The following PPP2R2C variants were observed in gnomAD, a reference collection of about 807,000 sequenced individuals.
PPP2R2C encodes the protein protein phosphatase 2, regulatory subunit B, gamma.
PPP2R2C carries 10 observed loss-of-function variants against 45.3 expected under a neutral mutation model. The ratio of observed to expected loss-of-function variants is 0.22; its 90% CI spans 0.14 to 0.37. PPP2R2C has a LOEUF of 0.37. Ranked by LOEUF, PPP2R2C falls within the 10% of genes least tolerant of loss-of-function variation. The pLI, the probability that PPP2R2C is intolerant of heterozygous loss-of-function variation, is 1.00. For synonymous variants in PPP2R2C, 257 were observed against 245.4 expected (o/e 1.05, Z -0.44); for missense variants, 308 against 619.7 (o/e 0.50, Z 5.34).
chr4:6,445,202 T>TAA (rs1156843590), intron 1 of PPP2R2C, among the ~76,000 whole-genome samples: 12 of 145,268 alleles, frequency 8.3e-5, no homozygotes, highest in African/African-American at 2.8e-4. Flanking sequence ...AAAAGCAAAA[T>TAA]AAAAACAAAA....
At chr4:6,485,880 A>G (rs1447172766) in intron 2 of PPP2R2C, among the ~76,000 whole-genome samples, 2 of 151,862 alleles carry the variant, frequency 1.3e-5, no homozygotes, top group African/African-American at 2.4e-5. Flanking sequence ...TTTATTTTAT[A>G]TTTAGCCAAT....
intron 1 of PPP2R2C, among the ~76,000 whole-genome samples, chr4:6,470,024 G>A (rs1721784363): frequency 6.6e-6 from 1 of 152,162 alleles, no homozygotes; most frequent in Admixed American, 6.5e-5. Context: ...CACACAGCAG[G>A]TGCTCAGCAT....
Position 6,331,133 on chromosome 4 carries a change from G to A in PPP2R2C, c.961-1780C>T, listed in dbSNP as rs986320976. Among the ~76,000 whole-genome samples, 19 of 152,186 alleles carry A rather than the reference G, an allele frequency of 1.2e-4. No homozygotes were observed. Among genetic ancestry groups the A allele is most frequent in the Non-Finnish European group, 2.8e-4 (19 of 68,030 alleles). ...CCCACCCCCGGCTCTGCATTTTTGT[G>A]TGTCCTCCTTACTCAGCTCCCAGCA... On this transcript the variant is annotated intron_variant, in intron 7 of 8. Transcript: ENST00000382599. This position sits in a 1 kb window ranked among gnomAD's most constrained non-coding sequence, Gnocchi z 5.9.
In PPP2R2C at chr4:6,364,005, G is replaced by A. The variant is rs1361422312; in HGVS notation, c.625+8518C>T. Among the ~76,000 whole-genome samples the A allele has an allele frequency of 6.6e-6, 1 of 152,136 alleles. No individual in the cohort carries two copies. The highest frequency in any genetic ancestry group is 1.5e-5 in the Non-Finnish European group (1 of 68,028). On this transcript the variant is annotated intron_variant, in intron 5 of 8. Coordinates refer to ENST00000382599, the MANE Select transcript of PPP2R2C (RefSeq NM_020416.4). The surrounding 1 kb of genome is among the most constrained non-coding windows in gnomAD (Gnocchi z 5.3). ...CTGTATTACACTAGTTCCATTATTT[G>A]AGCATCTACTCTGGACCAGGCATTA... is the stretch of plus-strand genomic sequence containing the variant.
At chr4:6,454,905 A>G (rs1048704371) in intron 1 of PPP2R2C, among the ~76,000 whole-genome samples, 8 of 152,130 alleles carry the variant, frequency 5.3e-5, no homozygotes, top group African/African-American at 1.9e-4. Flanking sequence ...CCTCCTCATC[A>G]CCATCATCGC....
chr4:6,533,141 T>A (rs1194212191), intron 2 of PPP2R2C, among the ~76,000 whole-genome samples: 1 of 152,158 alleles, frequency 6.6e-6, no homozygotes, highest in African/African-American at 2.4e-5. Context: ...AAAAGGTGGA[T>A]GCTATTGAAG....
At chr4:6,473,884 G>GC (rs1429023272), upstream of PPP2R2C, among the ~76,000 whole-genome samples, 2 of 152,146 alleles carry the variant, frequency 1.3e-5, no homozygotes, top group Non-Finnish European at 2.9e-5. Flanking sequence ...GGAGATGAAA[G>GC]CCCCCCAGCA....
chr4:6,474,105 T>G (rs566709233), upstream of PPP2R2C, among the ~76,000 whole-genome samples: 391 of 129,358 alleles, frequency 3.0e-3, 4 homozygotes, highest in African/African-American at 0.011. Flanking sequence ...CTTTGTCACT[T>G]TCTACCCCGT....
chr4:6,416,653 G>T (rs1023713166), intron 1 of PPP2R2C, among the ~76,000 whole-genome samples: 2 of 152,178 alleles, frequency 1.3e-5, no homozygotes, highest in Non-Finnish European at 2.9e-5. Context: ...CAGCCACCCC[G>T]ATGCGCTGGC....
intron 2 of PPP2R2C, among the ~76,000 whole-genome samples, chr4:6,531,262 A>G (rs1344536521): frequency 2.0e-5 from 3 of 152,174 alleles, no homozygotes; most frequent in Non-Finnish European, 4.4e-5. Context: ...GAGGGTGCAG[A>G]TGGCAGTGAG....
chr4:6,367,440 G>A (rs867364915), intron 5 of PPP2R2C, among the ~76,000 whole-genome samples: 20 of 151,982 alleles, frequency 1.3e-4, no homozygotes, highest in African/African-American at 4.8e-5. Context: ...CTGGCTCTGC[G>A]CGGACACAGG....
Position 6,329,903 on chromosome 4 carries a change from G to A in PPP2R2C, c.961-550C>T, listed in dbSNP as rs555688853. On this transcript the variant is annotated intron_variant, in intron 7 of 8. Coordinates refer to ENST00000382599, the MANE Select transcript of PPP2R2C (RefSeq NM_020416.4). This position sits in a 1 kb window ranked among gnomAD's most constrained non-coding sequence, Gnocchi z 5.8. ...TTCAAACTTAAAGTGATAAGAGGGC[G>A]AACCTCACAGTGGTTCTGGCATTAA... Among the ~76,000 whole-genome samples the A allele has an allele frequency of 7.2e-5, 11 of 152,290 alleles. No individual in the cohort carries two copies. In the East Asian group the frequency reaches 1.5e-3, roughly 21 times the overall value.
rs1731534775 is a variant in PPP2R2C, at chr4:6,321,240, A to T, written c.*2062T>A. Reference sequence around the variant, plus strand: ...GCAAATACAAGTTTCTTCTCTTAACATTTGACTCACAAAGGGAGATGGATC... The same window carrying T: ...GCAAATACAAGTTTCTTCTCTTAACTTTTGACTCACAAAGGGAGATGGATC... On this transcript the variant is annotated 3_prime_UTR_variant, in exon 9 of 9. Transcript: ENST00000382599. 6.6e-6 allele frequency: 1 copy of T among 152,396 alleles called. No homozygotes were observed. Among genetic ancestry groups the T allele is most frequent in the South Asian group, 2.1e-4 (1 of 4,834 alleles). The allele number at this position is 152,396 out of a possible 1,614,324, so 9.4% of individuals were successfully genotyped here. A position where few individuals can be genotyped will look rare whatever the true frequency, so the allele number is the denominator to read the frequency against.
rs377384969 is a variant in PPP2R2C at position 6,368,341 on chromosome 4, C to T, written c.625+4182G>A. 1.3e-5 allele frequency among the ~76,000 whole-genome samples: 2 copies of T among 152,192 alleles called. No homozygotes were observed. Among genetic ancestry groups the T allele is most frequent in the East Asian group, 3.9e-4 (2 of 5,192 alleles). On this transcript the variant is annotated intron_variant, in intron 5 of 8. Coordinates refer to ENST00000382599, the MANE Select transcript of PPP2R2C (RefSeq NM_020416.4). The surrounding 1 kb of genome is among the most constrained non-coding windows in gnomAD (Gnocchi z 4.2). ...TGGCTGGGCCACCGACTCCCTGTAG[C>T]ACCCACGGACCACCTGCTCCAATGC...
At chr4:6,399,971 T>C (rs1181699055) in intron 1 of PPP2R2C, among the ~76,000 whole-genome samples, 1 of 152,222 alleles carries the variant, frequency 6.6e-6, no homozygotes, top group Non-Finnish European at 1.5e-5. Context: ...TCTGTCTCCA[T>C]GTTGGGTTCA....
intron 1 of PPP2R2C, among the ~76,000 whole-genome samples, chr4:6,433,863 C>G (rs866130691): frequency 2.0e-5 from 3 of 152,174 alleles, no homozygotes; most frequent in Non-Finnish European, 4.4e-5. Flanking sequence ...GGTTCGAACT[C>G]GAACAGCTGA....
At chr4:6,505,957 C>T (rs774529592) in intron 2 of PPP2R2C, among the ~76,000 whole-genome samples, 5 of 152,038 alleles carry the variant, frequency 3.3e-5, no homozygotes, top group Non-Finnish European at 5.9e-5. Flanking sequence ...CAGAGTGAGA[C>T]TCCCTCTCAA....
intron 5 of PPP2R2C, chr4:6,349,539 C>T (rs1712337453): frequency 1.0e-6 from 1 of 985,302 alleles, no homozygotes; most frequent in Non-Finnish European, 1.2e-6. Context: ...CCTCCCTCTT[C>T]CTCCACCCAA....
At chr4:6,325,413 C>T (rs1731862569) in intron 8 of PPP2R2C, among the ~76,000 whole-genome samples, 1 of 152,164 alleles carries the variant, frequency 6.6e-6, no homozygotes, top group Non-Finnish European at 1.5e-5. Context: ...ACGAGTCCCA[C>T]AGAAGGGCCC....
Sources: gnomAD v4.1 joint callset for allele counts (sites outside exome capture counted in the v4.1 genomes callset) on GRCh38, gnomAD v4.1.1 for gene constraint, Gnocchi (gnomAD v3.1) non-coding constraint, MANE v1.5 for transcripts, NCBI Gene and HGNC (gene_info 2026-07-23, HGNC 2026-07-21) for gene names.